Variants in GSK3A observed in about 807,000 individuals in gnomAD.
The protein encoded by GSK3A is glycogen synthase kinase 3 alpha.
Under a neutral mutation model 56.6 loss-of-function variants are expected in GSK3A, and 14 were observed. The observed-to-expected ratio is 0.25, with a 90% CI of 0.16 to 0.39. The LOEUF (loss-of-function observed/expected upper bound fraction) is 0.39, where lower values mean the gene tolerates loss of function less well. GSK3A is among the 10% of genes least tolerant of loss of function. The pLI is 1.00. For synonymous variants in GSK3A, 301 were observed against 285.0 expected, an observed-to-expected ratio of 1.06 and a Z score of -0.56; for missense variants, 450 against 656.0, an observed-to-expected ratio of 0.69 and a Z score of 3.43.
Position 42,232,145 on chromosome 19 carries a change from G to C in GSK3A, c.1290C>G (p.Leu430=). Residue 430 remains leucine (L), a synonymous_variant, in exon 10 of 11, where the codon CTC becomes CTG. Coordinates refer to ENST00000222330, the MANE Select transcript of GSK3A (RefSeq NM_019884.3). ...TGGCGTTGAGAGACGGTTGGATGGA[G>C]AGTTCTAGAAACAGGAATTGACATG... The part of the protein sequence containing the change: ...PPLFNFSAGE[L]SIQPSLNAIL... The C allele has an allele frequency of 1.3e-6, 2 of 1,592,646 alleles. No homozygotes were observed. The highest frequency in any genetic ancestry group is 1.7e-6 in the Non-Finnish European group (2 of 1,161,446).
intron 1 of GSK3A, chr19:42,241,244 C>T (rs952419117): frequency 1.3e-5 from 2 of 152,322 alleles, no homozygotes; most frequent in Non-Finnish European, 2.9e-5. Flanking sequence ...GATCCGCCCA[C>T]CTCAGCCTCC....
At position 42,242,373 on chromosome 19, in the gene GSK3A, T is replaced by C. The variant is rs1302383392; in HGVS notation, c.93A>G (p.Gly31=). ...CCGAGCCTCCGGGGCCGCCGCCGCC[T>C]CCTCCGCCTCCGCCGCCGGGCTCCG... The part of the protein sequence containing the change: ...SFAEPGGGGG[G]GGGGPGGSAS... The change falls in exon 1 of 11, where the codon GGA becomes GGG. Residue 31 remains glycine (G), a synonymous_variant. Coordinates refer to ENST00000222330, the MANE Select transcript of GSK3A (RefSeq NM_019884.3). 3.6e-6 allele frequency: 5 copies of C among 1,392,830 alleles called. No individual in the cohort carries two copies. In the Admixed American group the frequency reaches 1.2e-4, roughly 33 times the overall value. 86.3% of individuals were successfully genotyped at this position (1,392,830 alleles called of 1,614,324 possible).
chr19:42,232,018 G>T, intron 10 of GSK3A, 39 bp downstream of exon 10: 1 of 1,192,456 alleles, frequency 8.4e-7, no homozygotes, highest in South Asian at 1.3e-5. Context: ...TCTCCAGGCT[G>T]AGAGATACTT....
chr19:42,230,445 AGAG>A lies in GSK3A; in HGVS notation c.*346_*348del, dbSNP rs1310730976. The A allele has an allele frequency of 3.3e-6, 1 of 305,108 alleles. No individual in the cohort carries two copies. The highest frequency in any genetic ancestry group is 2.2e-5 in the African/African-American group (1 of 46,048). The allele number at this position is 305,108 out of a possible 1,614,324, so 18.9% of individuals were successfully genotyped here. A position where few individuals can be genotyped will look rare whatever the true frequency, so the allele number is the denominator to read the frequency against. Reference sequence around the variant, plus strand: ...TTACACCCGGGGGCCAGGGAAGGGAAGAGGAGACGGGCTGGGCTGGTTCTATTT... The same window carrying A: ...TTACACCCGGGGGCCAGGGAAGGGAAGAGACGGGCTGGGCTGGTTCTATTT... On this transcript the variant is annotated 3_prime_UTR_variant, in exon 11 of 11. Coordinates refer to ENST00000222330, the MANE Select transcript of GSK3A (RefSeq NM_019884.3).
At position 42,242,309 on chromosome 19, in the gene GSK3A, C is replaced by T; in HGVS notation, c.157G>A (p.Val53Ile). Residue 53 changes from valine (V) to isoleucine (I), a missense_variant, in exon 1 of 11, where the codon GTC (valine) becomes ATC (isoleucine). Around this residue, in one of 3 missense-constraint regions of GSK3A, gnomAD observed 193 missense variants for 200.5 expected, o/e 0.96. Transcript: ENST00000222330. Reference sequence around the variant, plus strand: ...CCGACGCCCCCACCCATGGCCCCGACAGATGCCTTTCCGCCGCCGGTGCCG... The same window carrying T: ...CCGACGCCCCCACCCATGGCCCCGATAGATGCCTTTCCGCCGCCGGTGCCG... ...PGGTGGGKASVGAMGGGVGAS... is the reference protein window; with the variant it reads ...PGGTGGGKASIGAMGGGVGAS... The T allele has an allele frequency of 6.9e-7, 1 of 1,440,168 alleles. No individual in the cohort carries two copies. The highest frequency in any genetic ancestry group is 9.1e-7 in the Non-Finnish European group (1 of 1,102,970). 89.2% of individuals were successfully genotyped at this position (1,440,168 alleles called of 1,614,324 possible).
At position 42,232,702 on chromosome 19, in the gene GSK3A, C is replaced by T. The variant is rs776393487; in HGVS notation, c.1099-20G>A. ...GAACACCTGAGGGATGGGTGCAGGGCTCATGAGGGTGAGATGCCCTGGACA... is the reference window on the plus strand; with the variant it reads ...GAACACCTGAGGGATGGGTGCAGGGTTCATGAGGGTGAGATGCCCTGGACA... On this transcript the variant is annotated intron_variant, in intron 8 of 10. Transcript: ENST00000222330. The T allele has an allele frequency of 1.9e-6, 3 of 1,538,624 alleles. No individual in the cohort carries two copies. The highest frequency in any genetic ancestry group is 1.8e-6 in the Non-Finnish European group (2 of 1,138,176).
rs966935170 is a variant in GSK3A at position 42,235,575 on chromosome 19, G to A, written c.667-897C>T. On this transcript the variant is annotated intron_variant, in intron 4 of 10. Coordinates refer to ENST00000222330, the MANE Select transcript of GSK3A (RefSeq NM_019884.3). ...CTTCCTTTTATTCCAGTTCCCCTCG[G>A]CCAAAGATGCCACTTCCTTGCCCTG... is the stretch of plus-strand genomic sequence containing the variant. Among the ~76,000 whole-genome samples, 126 of 152,128 alleles carry A rather than the reference G, an allele frequency of 8.3e-4. 1 individual carries two copies. The highest frequency in any genetic ancestry group is 3.0e-3 in the African/African-American group (123 of 41,416).
chr19:42,241,900 C>T, intron 1 of GSK3A: 2 of 337,854 alleles, frequency 5.9e-6, no homozygotes, highest in Admixed American at 4.8e-5. Context: ...ACATCAGATA[C>T]CTGTTCTTAA....
In GSK3A at chr19:42,232,665, C is replaced by T. The variant is rs768504550; in HGVS notation, c.1116G>A (p.Thr372=). 6.3e-6 allele frequency: 10 copies of T among 1,582,354 alleles called. No homozygotes were observed. In the Admixed American group the frequency reaches 8.7e-5, roughly 14 times the overall value. Residue 372 remains threonine (T), a synonymous_variant, in exon 9 of 11, where the codon ACG becomes ACA. Coordinates refer to ENST00000222330, the MANE Select transcript of GSK3A (RefSeq NM_019884.3). ...AGCAGAGCGCGATGGCCTCTGGCGGCGTTCGAGATTTGAACACCTGAGGGA... is the reference window on the plus strand; with the variant it reads ...AGCAGAGCGCGATGGCCTCTGGCGGTGTTCGAGATTTGAACACCTGAGGGA... ...HPWTKVFKSR[T]PPEAIALCSS...
At chr19:42,237,538 C>T (rs144825785) in intron 2 of GSK3A, among the ~76,000 whole-genome samples, 4 of 151,636 alleles carry the variant, frequency 2.6e-5, no homozygotes, top group African/African-American at 9.7e-5. Context: ...CATGTAAAAG[C>T]CAAATGGCAC....
intron 8 of GSK3A, 49 bp downstream of exon 8, chr19:42,233,061 G>C (rs767006233): frequency 8.1e-7 from 1 of 1,237,950 alleles, no homozygotes; most frequent in Non-Finnish European, 1.1e-6. Context: ...GACCTCCAAG[G>C]GGGACCAGCT....
intron 2 of GSK3A, 125 bp downstream of exon 2, chr19:42,239,830 C>T (rs1250752087): frequency 1.4e-6 from 1 of 729,054 alleles, no homozygotes; most frequent in Non-Finnish European, 2.3e-6. Flanking sequence ...GGTCTCATTT[C>T]CTCTTTTCCC....
At chr19:42,233,086 C>T (rs1167531244) in intron 8 of GSK3A, 24 bp downstream of exon 8, 3 of 1,478,080 alleles carry the variant, frequency 2.0e-6, no homozygotes, top group African/African-American at 1.4e-5. Flanking sequence ...GCCATACTGC[C>T]CTGAGCCCCT....
Position 42,234,598 on chromosome 19 carries a change from G to A in GSK3A, c.747C>T (p.Asn249=), listed in dbSNP as rs1324071517. The part of the protein sequence containing the change: ...GVCHRDIKPQ[N]LLVDPDTAVL... The stretch of plus-strand genomic sequence containing the variant: ...CAGCAGTGTCAGGGTCCACCAGCAG[G>A]TTCTGGGGCTTGATGTCGCGGTGAC... The change falls in exon 5 of 11, where the codon AAC becomes AAT. Residue 249 remains asparagine, a synonymous_variant. Coordinates refer to ENST00000222330, the MANE Select transcript of GSK3A (RefSeq NM_019884.3). This position sits in a 1 kb window ranked among gnomAD's most constrained non-coding sequence, Gnocchi z 5.7. 6.2e-7 allele frequency: 1 copy of A among 1,614,066 alleles called. No individual in the cohort carries two copies.
chr19:42,232,636 C>T lies in GSK3A; in HGVS notation c.1145G>A (p.Ser382Asn). The T allele has an allele frequency of 1.9e-6, 3 of 1,610,068 alleles. No homozygotes were observed. Among genetic ancestry groups the T allele is most frequent in the Non-Finnish European group, 2.5e-6 (3 of 1,177,442 alleles). Residue 382 changes from serine to asparagine, a missense_variant, in exon 9 of 11, where the codon AGC (serine) becomes AAC (asparagine). By Grantham distance (46) the Ser-to-Asn change is conservative. Coordinates refer to ENST00000222330, the MANE Select transcript of GSK3A (RefSeq NM_019884.3). ...TGAGGATGGGGTGTACTCCAGCAGGCTAGAGCAGAGCGCGATGGCCTCTGG... is the reference window on the plus strand; with the variant it reads ...TGAGGATGGGGTGTACTCCAGCAGGTTAGAGCAGAGCGCGATGGCCTCTGG... ...TPPEAIALCSSLLEYTPSSRL... is the reference protein window; with the variant it reads ...TPPEAIALCSNLLEYTPSSRL...
chr19:42,240,459 A>C (rs958767950), intron 1 of GSK3A: 23 of 546,932 alleles, frequency 4.2e-5, no homozygotes, highest in Admixed American at 2.9e-4. Flanking sequence ...GTACTGGGAG[A>C]CATCAGATGT....
In GSK3A at chr19:42,234,312, C is replaced by A; in HGVS notation, c.904+41G>T. ...AGCACACAGAAAACTCCAAAACTTCCCAGATTGCCACTCCCCCCGCCACCC... is the reference window on the plus strand; with the variant it reads ...AGCACACAGAAAACTCCAAAACTTCACAGATTGCCACTCCCCCCGCCACCC... On this transcript the variant is annotated intron_variant, in intron 6 of 10. Transcript: ENST00000222330. This position sits in a 1 kb window ranked among gnomAD's most constrained non-coding sequence, Gnocchi z 5.7. 6.8e-7 allele frequency: 1 copy of A among 1,472,178 alleles called. No individual in the cohort carries two copies. The highest frequency in any genetic ancestry group is 9.5e-7 in the Non-Finnish European group (1 of 1,050,896). 91.2% of individuals were successfully genotyped at this position (1,472,178 alleles called of 1,614,324 possible).
rs142416570 is a variant in GSK3A, at chr19:42,232,563, C to G, written c.1218G>C (p.Leu406=). The part of the protein sequence containing the change: ...EACAHSFFDE[L]RCLGTQLPNN... ...TAGGCAGCTGGGTTCCCAGACATCG[C>G]AGTTCATCAAAGAAGCTGTGCGCAC... The change falls in exon 9 of 11, where the codon CTG becomes CTC. Residue 406 remains leucine (L), a synonymous_variant. Transcript: ENST00000222330. 6.8e-6 allele frequency: 11 copies of G among 1,614,018 alleles called. No homozygotes were observed. Among genetic ancestry groups the G allele is most frequent in the African/African-American group, 2.7e-5 (2 of 74,922 alleles).
Position 42,232,040 on chromosome 19 carries a change from A to G in GSK3A, c.1378+17T>C. On this transcript the variant is annotated intron_variant, in intron 10 of 10. Coordinates refer to ENST00000222330, the MANE Select transcript of GSK3A (RefSeq NM_019884.3). ...GCTGAGAGATACTTTAACCCCCAGCAGATGGTCCCCACTTACCTTGTGAGG... is the reference window on the plus strand; with the variant it reads ...GCTGAGAGATACTTTAACCCCCAGCGGATGGTCCCCACTTACCTTGTGAGG... 2.0e-6 allele frequency: 3 copies of G among 1,479,264 alleles called. No homozygotes were observed. Among genetic ancestry groups the G allele is most frequent in the Non-Finnish European group, 2.8e-6 (3 of 1,061,118 alleles). The allele number at this position is 1,479,264 out of a possible 1,614,324, so 91.6% of individuals were successfully genotyped here.
Sources: gnomAD v4.1 joint callset for allele counts (sites outside exome capture counted in the v4.1 genomes callset) on GRCh38, gnomAD v4.1.1 for gene constraint, gnomAD v4.1.1 regional missense constraint, Gnocchi (gnomAD v3.1) non-coding constraint, MANE v1.5 for transcripts, NCBI Gene and HGNC (gene_info 2026-07-23, HGNC 2026-07-21) for gene names.